Variants in ARHGEF1 observed in about 807,000 individuals in gnomAD.
The protein encoded by ARHGEF1 is 115 kDa guanine nucleotide exchange factor.
A neutral mutation model predicts 119.7 loss-of-function variants in ARHGEF1; 40 were observed. That is an observed-to-expected ratio of 0.33 (90% CI 0.26 to 0.44). The LOEUF is 0.44. Ranked by LOEUF, ARHGEF1 falls within the 20% of genes least tolerant of loss-of-function variation. The pLI, the probability that ARHGEF1 is intolerant of heterozygous loss-of-function variation, is 1.00. For synonymous variants in ARHGEF1, 494 were observed against 521.0 expected (o/e 0.95, Z 0.71); for missense variants, 976 against 1,268.3 (o/e 0.77, Z 3.50).
chr19:41,892,791 T>G lies in ARHGEF1; in HGVS notation c.556T>G (p.Tyr186Asp). 6.3e-7 allele frequency: 1 copy of G among 1,598,736 alleles called. No individual in the cohort carries two copies. The highest frequency in any genetic ancestry group is 8.5e-7 in the Non-Finnish European group (1 of 1,175,016). Reference sequence around the variant, plus strand: ...TTGGGTTGGGCGGGACCGAGCCAGCTACGAGGCCCGGGAGCGGCACGTGGC... The same window carrying G: ...TTGGGTTGGGCGGGACCGAGCCAGCGACGAGGCCCGGGAGCGGCACGTGGC... ...EAWVGRDRAS[Y>D]EARERHVAER... Residue 186 changes from tyrosine to aspartate, a missense_variant, in exon 7 of 29, where the codon TAC becomes GAC. By Grantham distance (160) the Tyr-to-Asp change is radical. Transcript: ENST00000354532. The surrounding 1 kb of genome is among the most constrained non-coding windows in gnomAD (Gnocchi z 6.3).
At chr19:41,898,620 A>C (rs782500033) in intron 14 of ARHGEF1, 33 bp downstream of exon 14, 4 of 1,572,842 alleles carry the variant, frequency 2.5e-6, no homozygotes, top group Non-Finnish European at 3.4e-6. Context: ...CACTGTGGCC[A>C]AGGACACAGT....
Position 41,898,522 on chromosome 19 carries a change from T to A in ARHGEF1, c.1202T>A (p.Leu401His). ...GAAGAGCCTCCCGGCTGGCGGGAAC[T>A]CGTCCCCCCAGACACCCTGCACAGC... Reference protein sequence around the residue: ...EPEEPPGWRELVPPDTLHSLP... With the variant: ...EPEEPPGWREHVPPDTLHSLP... The change falls in exon 14 of 29, where the codon CTC (leucine) becomes CAC (histidine). Residue 401 changes from leucine (L) to histidine (H), a missense_variant. By Grantham distance (99) the Leu-to-His change is moderately conservative. Around this residue, in one of 3 missense-constraint regions of ARHGEF1, gnomAD observed 519 missense variants for 580.9 expected, o/e 0.89. Coordinates refer to ENST00000354532, the MANE Select transcript of ARHGEF1 (RefSeq NM_004706.4). The A allele has an allele frequency of 6.4e-7, 1 of 1,561,934 alleles. No homozygotes were observed.
intron 1 of ARHGEF1, chr19:41,928,604 C>G: frequency 5.6e-6 from 1 of 178,652 alleles, no homozygotes; most frequent in Non-Finnish European, 1.2e-5. Flanking sequence ...GCGGCGGCGG[C>G]GGCGCGGGGG....
chr19:41,911,656 G>C (rs141116483), downstream of ARHGEF1, among the ~76,000 whole-genome samples: 657 of 152,208 alleles, frequency 4.3e-3, 6 homozygotes, highest in African/African-American at 0.011. Flanking sequence ...TCCCATGACA[G>C]GGCTGGATCC....
downstream of ARHGEF1, chr19:41,908,626 C>T (rs2074733302): frequency 4.1e-6 from 5 of 1,231,574 alleles, no homozygotes; most frequent in African/African-American, 1.6e-5. This position sits in a 1 kb window ranked among gnomAD's most constrained non-coding sequence, Gnocchi z 6.7. Flanking sequence ...TCAGGGAAGG[C>T]GCGGCCATAA....
At chr19:41,899,919 A>G (rs2074572074) in intron 14 of ARHGEF1, among the ~76,000 whole-genome samples, 1 of 134,304 alleles carries the variant, frequency 7.4e-6, no homozygotes, top group Non-Finnish European at 1.5e-5. Context: ...TAAGGACATG[A>G]TAAAAAAAAA....
chr19:41,914,256 G>A (rs1599673730), intron 18 of ARHGEF1, among the ~76,000 whole-genome samples: 1 of 145,292 alleles, frequency 6.9e-6, no homozygotes, highest in Admixed American at 6.9e-5. Flanking sequence ...CATCTGCCCC[G>A]TCTCGGTATC....
rs142927574 is a variant in ARHGEF1, at chr19:41,887,212, A to G, written c.-19-852A>G. Among the ~76,000 whole-genome samples, 7 of 152,246 alleles carry G rather than the reference A, an allele frequency of 4.6e-5. No individual in the cohort carries two copies. In the East Asian group the frequency reaches 1.4e-3, roughly 29 times the overall value. On this transcript the variant is annotated intron_variant, in intron 1 of 28. Coordinates refer to ENST00000354532, the MANE Select transcript of ARHGEF1 (RefSeq NM_004706.4). ...AGGGAGAGATGGAGGGAGGAGAGGC[A>G]GGGATGGTGGGGAAAATGAGACAGT... is the stretch of plus-strand genomic sequence containing the variant.
chr19:41,906,889 A>G lies in ARHGEF1; in HGVS notation c.*17+86A>G, dbSNP rs2074708497. 2 of 1,095,518 alleles carry G rather than the reference A, an allele frequency of 1.8e-6. No individual in the cohort carries two copies. Among genetic ancestry groups the G allele is most frequent in the African/African-American group, 3.2e-5 (2 of 62,156 alleles). The allele number at this position is 1,095,518 out of a possible 1,614,324, so 67.9% of individuals were successfully genotyped here. A position where few individuals can be genotyped will look rare whatever the true frequency, so the allele number is the denominator to read the frequency against. Reference sequence around the variant, plus strand: ...CGCATCCCTACAGCCCCTTCTGTCCATCTCCCTCTTTGTCTTTTCTGAATC... The same window carrying G: ...CGCATCCCTACAGCCCCTTCTGTCCGTCTCCCTCTTTGTCTTTTCTGAATC... On this transcript the variant is annotated intron_variant, in intron 28 of 28. Transcript: ENST00000354532. This position sits in a 1 kb window ranked among gnomAD's most constrained non-coding sequence, Gnocchi z 4.5.
chr19:41,892,333 T>C lies in ARHGEF1; in HGVS notation c.327T>C (p.Val109=). 2 of 1,613,894 alleles carry C rather than the reference T, an allele frequency of 1.2e-6. No individual in the cohort carries two copies. Among genetic ancestry groups the C allele is most frequent in the East Asian group, 4.5e-5 (2 of 44,864 alleles). ...FYHSFLEKTA[V]LRVPVPPNVA... is the part of the protein sequence containing the mutation. The stretch of plus-strand genomic sequence containing the variant: ...ACCCCATTCTCTCTCTTGAGCAGGT[T>C]CTCCGGGTGCCGGTCCCTCCCAACG... Residue 109 remains valine (V), a splice_region_variant and synonymous_variant, in exon 6 of 29, where the codon GTT becomes GTC. Coordinates refer to ENST00000354532, the MANE Select transcript of ARHGEF1 (RefSeq NM_004706.4). The surrounding 1 kb of genome is among the most constrained non-coding windows in gnomAD (Gnocchi z 6.3).
Position 41,907,148 on chromosome 19 carries a change from A to C in ARHGEF1, c.*61A>C. The C allele has an allele frequency of 6.5e-7, 1 of 1,530,836 alleles. No individual in the cohort carries two copies. Among genetic ancestry groups the C allele is most frequent in the Non-Finnish European group, 8.7e-7 (1 of 1,144,628 alleles). The allele number at this position is 1,530,836 out of a possible 1,614,324, so 94.8% of individuals were successfully genotyped here. ...AGGAATGGGGGAGAGGACGTGAGGG[A>C]CCACCCCCACCCACACAGCTGCCGC... On this transcript the variant is annotated 3_prime_UTR_variant, in exon 29 of 29. Coordinates refer to ENST00000354532, the MANE Select transcript of ARHGEF1 (RefSeq NM_004706.4).
Position 41,888,342 on chromosome 19 carries a change from C to T in ARHGEF1, c.111+64C>T, listed in dbSNP as rs2074326331. 2 of 1,503,438 alleles carry T rather than the reference C, an allele frequency of 1.3e-6. No homozygotes were observed. The highest frequency in any genetic ancestry group is 1.1e-5 in the South Asian group (1 of 88,294). The allele number at this position is 1,503,438 out of a possible 1,614,324, so 93.1% of individuals were successfully genotyped here. A position where few individuals can be genotyped will look rare whatever the true frequency, so the allele number is the denominator to read the frequency against. On this transcript the variant is annotated intron_variant, in intron 3 of 28. Transcript: ENST00000354532. The surrounding 1 kb of genome is among the most constrained non-coding windows in gnomAD (Gnocchi z 5.1). ...TCAGTGTCCCGCCCCAGGTCCCCTC[C>T]CACCTGCAGATGCTGTCTTCTTGGC...
Position 41,907,445 on chromosome 19 carries a change from T to TAAG in ARHGEF1, c.*363_*365dup. ...GGTTTATTTTTTAATATATATTATC[T>TAAG]AAGAAGAGATCTGTGTGTGTGATGG... On this transcript the variant is annotated 3_prime_UTR_variant, in exon 29 of 29. Coordinates refer to ENST00000354532, the MANE Select transcript of ARHGEF1 (RefSeq NM_004706.4). The TAAG allele has an allele frequency of 6.6e-7, 1 of 1,509,356 alleles. No homozygotes were observed. Among genetic ancestry groups the TAAG allele is most frequent in the Middle Eastern group, 2.2e-4 (1 of 4,502 alleles). The allele number at this position is 1,509,356 out of a possible 1,614,324, so 93.5% of individuals were successfully genotyped here.
intron 13 of ARHGEF1, chr19:41,897,318 G>A (rs980844614): frequency 2.4e-5 from 31 of 1,271,322 alleles, no homozygotes; most frequent in Non-Finnish European, 3.0e-5. Flanking sequence ...TCCCCAGAAG[G>A]TGGAAGAGGT....
chr19:41,900,059 C>T (rs1364768663), intron 14 of ARHGEF1, among the ~76,000 whole-genome samples: 3 of 152,154 alleles, frequency 2.0e-5, no homozygotes, highest in African/African-American at 7.2e-5. Context: ...CTAGGCCAGG[C>T]ACAGTGGCTC....
At chr19:41,922,808 A>G (rs1555852680), upstream of ARHGEF1, among the ~76,000 whole-genome samples, 3 of 152,224 alleles carry the variant, frequency 2.0e-5, no homozygotes, top group South Asian at 2.1e-4. Flanking sequence ...GGATGAGAGC[A>G]ATAAATTATT....
chr19:41,907,959 A>C, downstream of ARHGEF1: 1 of 369,290 alleles, frequency 2.7e-6, no homozygotes. Context: ...GCTGGGCGCC[A>C]TATTGCACTT....
At position 41,888,052 on chromosome 19, in the gene ARHGEF1, C is replaced by T; in HGVS notation, c.-19-12C>T. The T allele has an allele frequency of 6.2e-7, 1 of 1,612,078 alleles. No individual in the cohort carries two copies. The highest frequency in any genetic ancestry group is 1.1e-5 in the South Asian group (1 of 90,900). On this transcript the variant is annotated splice_polypyrimidine_tract_variant and intron_variant, in intron 1 of 28. Coordinates refer to ENST00000354532, the MANE Select transcript of ARHGEF1 (RefSeq NM_004706.4). The surrounding 1 kb of genome is among the most constrained non-coding windows in gnomAD (Gnocchi z 5.1). ...CCCACCCTCCTAACCACAGCCCCTC[C>T]TCTTCCTCCAGCCCTGCAGAGCCCA...
At chr19:41,896,704 C>T (rs2074494699) in intron 13 of ARHGEF1, 1 of 691,464 alleles carries the variant, frequency 1.4e-6, no homozygotes, top group Non-Finnish European at 2.6e-6. Context: ...TTCCTTTTTC[C>T]TCTGCTCCTT....
Sources: allele counts gnomAD v4.1 joint callset (sites outside exome capture counted in the v4.1 genomes callset), GRCh38; gene constraint gnomAD v4.1.1; regional missense constraint gnomAD v4.1.1; non-coding constraint Gnocchi (gnomAD v3.1); transcripts MANE v1.5; gene names NCBI Gene and HGNC (gene_info 2026-07-23, HGNC 2026-07-21).